Variants in MAP3K2 observed in about 807,000 individuals in gnomAD.
The protein encoded by MAP3K2 is MAP/ERK kinase kinase 2.
A neutral mutation model predicts 80.3 loss-of-function variants in MAP3K2; 24 were observed. The observed-to-expected ratio is 0.30, with a 90% CI of 0.22 to 0.42. The LOEUF is 0.42. Ranked by LOEUF, MAP3K2 falls within the 10% of genes least tolerant of loss-of-function variation. The pLI is 1.00. For synonymous variants in MAP3K2, 244 were observed against 253.7 expected (o/e 0.96, Z 0.36); for missense variants, 608 against 750.1 (o/e 0.81, Z 2.21).
intron 5 of MAP3K2, among the ~76,000 whole-genome samples, chr2:127,330,784 T>A (rs1686241665): frequency 6.6e-6 from 1 of 152,212 alleles, no homozygotes; most frequent in Non-Finnish European, 1.5e-5. Flanking sequence ...GATATTTCCA[T>A]AATATTGCTA....
chr2:127,304,520 TC>T lies in MAP3K2; in HGVS notation c.*3058del, dbSNP rs1685659339. On this transcript the variant is annotated 3_prime_UTR_variant, in exon 17 of 17. Transcript: ENST00000682094. ...TCCAGCACCAAAAAGTCTGCCACTG[TC>T]AAAGCAGAATGCATTTTAAAGGCAC... 1 of 152,348 alleles carries T rather than the reference TC, an allele frequency of 6.6e-6. No individual in the cohort carries two copies. Among genetic ancestry groups the T allele is most frequent in the Non-Finnish European group, 1.5e-5 (1 of 68,018 alleles). 9.4% of individuals were successfully genotyped at this position (152,348 alleles called of 1,614,324 possible). A position where few individuals can be genotyped will look rare whatever the true frequency, so the allele number is the denominator to read the frequency against.
In MAP3K2 at chr2:127,334,427, C is replaced by T. The variant is rs142821292; in HGVS notation, c.264+1443G>A. Reference sequence around the variant, plus strand: ...ATGAGATAATAATTCAAGTTCAAGACATTTTTTAAAAATTTATTCTTTTTT... The same window carrying T: ...ATGAGATAATAATTCAAGTTCAAGATATTTTTTAAAAATTTATTCTTTTTT... On this transcript the variant is annotated intron_variant, in intron 5 of 16. Coordinates refer to ENST00000682094, the MANE Select transcript of MAP3K2 (RefSeq NM_001371910.2). 2.7e-3 allele frequency among the ~76,000 whole-genome samples: 418 copies of T among 152,248 alleles called. 4 individuals are homozygous for T. Among genetic ancestry groups the T allele is most frequent in the African/African-American group, 9.6e-3 (400 of 41,562 alleles).
chr2:127,307,975 A>T lies in MAP3K2; in HGVS notation c.1635-171T>A, dbSNP rs1438855965. ...TTTCGTAAAACTAATTTAAACATAAAAATCAATTAAAATAAATTTAATGAC... is the reference window on the plus strand; with the variant it reads ...TTTCGTAAAACTAATTTAAACATAATAATCAATTAAAATAAATTTAATGAC... On this transcript the variant is annotated intron_variant, in intron 16 of 16. Transcript: ENST00000682094. This position sits in a 1 kb window ranked among gnomAD's most constrained non-coding sequence, Gnocchi z 5.4. Among the ~76,000 whole-genome samples, 1 of 152,234 alleles carries T rather than the reference A, an allele frequency of 6.6e-6. No individual in the cohort carries two copies. Among genetic ancestry groups the T allele is most frequent in the Non-Finnish European group, 1.5e-5 (1 of 68,038 alleles).
chr2:127,379,260 T>C (rs946787556), intron 1 of MAP3K2, among the ~76,000 whole-genome samples: 3 of 152,210 alleles, frequency 2.0e-5, no homozygotes, highest in African/African-American at 7.2e-5. Context: ...TACATCAAAA[T>C]AGACAGAATC....
At chr2:127,355,019 A>G (rs1249643427) in intron 1 of MAP3K2, among the ~76,000 whole-genome samples, 1 of 152,178 alleles carries the variant, frequency 6.6e-6, no homozygotes, top group Admixed American at 6.5e-5. Context: ...TAAAACCAAT[A>G]AACAACTACA....
At position 127,318,153 on chromosome 2, in the gene MAP3K2, G is replaced by A. The variant is rs750970216; in HGVS notation, c.1194+16C>T. ...TTCTTATAATGTGACAAAGTAATTTGTGCAGTGATTTTTACCTTGCTGGTC... is the reference window on the plus strand; with the variant it reads ...TTCTTATAATGTGACAAAGTAATTTATGCAGTGATTTTTACCTTGCTGGTC... On this transcript the variant is annotated intron_variant, in intron 13 of 16. Transcript: ENST00000682094. 7 of 1,561,276 alleles carry A rather than the reference G, an allele frequency of 4.5e-6. No individual in the cohort carries two copies. Among genetic ancestry groups the A allele is most frequent in the East Asian group, 2.4e-5 (1 of 42,358 alleles).
chr2:127,351,273 T>C (rs536944624), intron 1 of MAP3K2, among the ~76,000 whole-genome samples: 1 of 152,220 alleles, frequency 6.6e-6, no homozygotes, highest in East Asian at 1.9e-4. Flanking sequence ...ATTTTGACAG[T>C]TGGATTCTGG....
intron 6 of MAP3K2, 98 bp downstream of exon 6, chr2:127,330,294 A>T (rs1209124323): frequency 6.4e-6 from 4 of 623,742 alleles, no homozygotes; most frequent in Non-Finnish European, 1.1e-5. Flanking sequence ...CATAATGAAA[A>T]TATTGCAATG....
In MAP3K2 at chr2:127,318,253, G is replaced by C. The variant is rs780220266; in HGVS notation, c.1110C>G (p.Val370=). The C allele has an allele frequency of 6.8e-6, 11 of 1,611,504 alleles. No homozygotes were observed. The highest frequency in any genetic ancestry group is 7.6e-6 in the Non-Finnish European group (9 of 1,178,946). Residue 370 remains valine (V), a synonymous_variant, in exon 13 of 17, where the codon GTC becomes GTG. Coordinates refer to ENST00000682094, the MANE Select transcript of MAP3K2 (RefSeq NM_001371910.2). ...KLLGQGAFGR[V]YLCYDVDTGR... is the part of the protein sequence containing the mutation. ...CTGTATCAACATCATAACAGAGGTA[G>C]ACCCTTCCAAAGGCTCCTTGGCCAA...
At chr2:127,381,164 A>C (rs1275123719) in intron 1 of MAP3K2, among the ~76,000 whole-genome samples, 1 of 152,146 alleles carries the variant, frequency 6.6e-6, no homozygotes, top group Non-Finnish European at 1.5e-5. Context: ...CCAGCTCAAA[A>C]ATTTGTAATT....
upstream of MAP3K2, chr2:127,388,036 G>A (rs1401943557): frequency 2.0e-6 from 2 of 983,180 alleles, no homozygotes; most frequent in East Asian, 1.1e-4. Flanking sequence ...CCCTCCGCCC[G>A]GCGGTAGCGG....
At chr2:127,332,069 T>A (rs865841024) in intron 5 of MAP3K2, among the ~76,000 whole-genome samples, 3 of 152,210 alleles carry the variant, frequency 2.0e-5, no homozygotes, top group South Asian at 2.1e-4. Context: ...ACCGACTAAC[T>A]GGGCTCTTTT....
rs1441598981 is a variant in MAP3K2, at chr2:127,305,793, T to C, written c.*1786A>G. ...TTCATGTTTTATAGTAGCACAATTC[T>C]ATTAGAGATAGTGGGGCCTTTCCCA... is the stretch of plus-strand genomic sequence containing the variant. On this transcript the variant is annotated 3_prime_UTR_variant, in exon 17 of 17. Transcript: ENST00000682094. 1.3e-5 allele frequency: 2 copies of C among 152,200 alleles called. No homozygotes were observed. The highest frequency in any genetic ancestry group is 2.9e-5 in the Non-Finnish European group (2 of 68,026). 9.4% of individuals were successfully genotyped at this position (152,200 alleles called of 1,614,324 possible).
intron 1 of MAP3K2, among the ~76,000 whole-genome samples, chr2:127,360,631 C>G (rs1686869194): frequency 6.6e-6 from 1 of 152,146 alleles, no homozygotes; most frequent in African/African-American, 2.4e-5. Flanking sequence ...TTTAATGCTA[C>G]TAGCTCTGCA....
At position 127,302,726 on chromosome 2, in the gene MAP3K2, T is replaced by G. The variant is rs577233275; in HGVS notation, c.*4853A>C. ...GCCAAGAACTTGGACAGTGCCAATGTGATTGAAAATCAAATATTCAACCCA... is the reference window on the plus strand; with the variant it reads ...GCCAAGAACTTGGACAGTGCCAATGGGATTGAAAATCAAATATTCAACCCA... On this transcript the variant is annotated 3_prime_UTR_variant, in exon 17 of 17. Coordinates refer to ENST00000682094, the MANE Select transcript of MAP3K2 (RefSeq NM_001371910.2). 2.0e-5 allele frequency: 3 copies of G among 152,324 alleles called. No individual in the cohort carries two copies. The highest frequency in any genetic ancestry group is 7.2e-5 in the African/African-American group (3 of 41,578). The allele number at this position is 152,324 out of a possible 1,614,324, so 9.4% of individuals were successfully genotyped here.
chr2:127,341,007 G>T (rs1443806537), intron 2 of MAP3K2, among the ~76,000 whole-genome samples: 1 of 151,944 alleles, frequency 6.6e-6, no homozygotes, highest in East Asian at 1.9e-4. Context: ...GGAAGCAAGG[G>T]GAGATGGATT....
intron 15 of MAP3K2, among the ~76,000 whole-genome samples, chr2:127,309,144 T>C (rs1315570380): frequency 6.6e-6 from 1 of 152,194 alleles, no homozygotes; most frequent in Non-Finnish European, 1.5e-5. Context: ...ATGAAGCTTA[T>C]TTCCCTGAGA....
chr2:127,378,152 C>G (rs1687181210), intron 1 of MAP3K2: 2 of 984,004 alleles, frequency 2.0e-6, no homozygotes, highest in Non-Finnish European at 2.4e-6. Context: ...AAATGGAGAT[C>G]TAAAAAACTA....
rs535803757 is a variant in MAP3K2, at chr2:127,319,377, G to C, written c.1046-1060C>G. 5.3e-5 allele frequency among the ~76,000 whole-genome samples: 8 copies of C among 152,102 alleles called. No individual in the cohort carries two copies. The South Asian group carries it at 1.0e-3, about 20-fold the overall frequency. ...AACTGAGGAGATAAAGCCTGCCTAA[G>C]ACTGAAGCTGGATAGGACAACACAG... On this transcript the variant is annotated intron_variant, in intron 12 of 16. Coordinates refer to ENST00000682094, the MANE Select transcript of MAP3K2 (RefSeq NM_001371910.2).
Sources: allele counts gnomAD v4.1 joint callset (sites outside exome capture counted in the v4.1 genomes callset), GRCh38; gene constraint gnomAD v4.1.1; non-coding constraint Gnocchi (gnomAD v3.1); transcripts MANE v1.5; gene names NCBI Gene and HGNC (gene_info 2026-07-23, HGNC 2026-07-21).